Variants in MAP2K4 observed in about 807,000 individuals in gnomAD.
MAP2K4 encodes mitogen-activated protein kinase kinase 4, also known as dual specificity mitogen-activated protein kinase kinase 4.
MAP2K4 carries 4 observed loss-of-function variants against 48.5 expected under a neutral mutation model. The observed-to-expected ratio is 0.08, with a 90% confidence interval of 0.04 to 0.19. The LOEUF (loss-of-function observed/expected upper bound fraction) is 0.19, where lower values mean the gene tolerates loss of function less well. Among genes scored for constraint, MAP2K4 ranks in the 10% least tolerant of loss-of-function variants. The pLI, the probability that MAP2K4 is intolerant of heterozygous loss-of-function variation, is 1.00. For synonymous variants in MAP2K4, 166 were observed against 173.1 expected (o/e 0.96, Z 0.32); for missense variants, 258 against 493.3 (o/e 0.52, Z 4.52).
At chr17:12,102,945 C>T (rs1395256932) in intron 4 of MAP2K4, among the ~76,000 whole-genome samples, 1 of 150,998 alleles carries the variant, frequency 6.6e-6, no homozygotes, top group Non-Finnish European at 1.5e-5. Flanking sequence ...TTTTTCTTCC[C>T]AATTAGTCCA....
intron 4 of MAP2K4, among the ~76,000 whole-genome samples, chr17:12,102,071 G>T (rs1567660844): frequency 6.6e-6 from 1 of 151,514 alleles, no homozygotes; most frequent in Non-Finnish European, 1.5e-5. Flanking sequence ...AGACATCCTT[G>T]TTTTTTTTCC....
At chr17:12,118,750 A>G (rs1017920921) in intron 7 of MAP2K4, among the ~76,000 whole-genome samples, 1 of 152,182 alleles carries the variant, frequency 6.6e-6, no homozygotes, top group African/African-American at 2.4e-5. Context: ...TGGGTGTGGA[A>G]GGTTTTCAGA....
At chr17:12,060,012 T>C (rs1187308317) in intron 2 of MAP2K4, among the ~76,000 whole-genome samples, 6 of 151,992 alleles carry the variant, frequency 3.9e-5, no homozygotes, top group Admixed American at 3.9e-4. Flanking sequence ...ACCCCATTTC[T>C]ACAAAAATAG....
At chr17:12,041,200 C>T (rs1268397249) in intron 1 of MAP2K4, among the ~76,000 whole-genome samples, 4 of 152,214 alleles carry the variant, frequency 2.6e-5, no homozygotes, top group East Asian at 3.8e-4. Flanking sequence ...ATAAAAGTGT[C>T]ATTCACGTGT....
At chr17:12,135,069 A>G (rs967103455) in intron 9 of MAP2K4, among the ~76,000 whole-genome samples, 5 of 151,836 alleles carry the variant, frequency 3.3e-5, no homozygotes, top group African/African-American at 1.2e-4. Flanking sequence ...CACCTGGCTA[A>G]TTTTTGTTTT....
chr17:12,122,235 T>C (rs1972717382), intron 7 of MAP2K4, among the ~76,000 whole-genome samples: 1 of 152,254 alleles, frequency 6.6e-6, no homozygotes, highest in South Asian at 2.1e-4. Context: ...TAATCAACTA[T>C]TCCGTACTTG....
At chr17:12,053,170 T>C (rs1245516962) in intron 1 of MAP2K4, among the ~76,000 whole-genome samples, 1 of 152,130 alleles carries the variant, frequency 6.6e-6, no homozygotes. Flanking sequence ...AAGAGCATAT[T>C]TACTAAAAAA....
intron 1 of MAP2K4, among the ~76,000 whole-genome samples, chr17:12,040,951 T>C (rs2151516159): frequency 6.6e-6 from 1 of 152,362 alleles, no homozygotes; most frequent in African/African-American, 2.4e-5. Context: ...CATAATGTTC[T>C]ACAACTAATT....
intron 1 of MAP2K4, among the ~76,000 whole-genome samples, chr17:12,025,233 C>G (rs572611506): frequency 6.6e-6 from 1 of 152,298 alleles, no homozygotes; most frequent in South Asian, 2.1e-4. Flanking sequence ...GGGAAATTCC[C>G]TAACTTTTCT....
intron 2 of MAP2K4, among the ~76,000 whole-genome samples, chr17:12,074,621 C>CA (rs1194975068): frequency 2.6e-5 from 4 of 152,078 alleles, no homozygotes; most frequent in Non-Finnish European, 5.9e-5. Context: ...TGTATAGGTT[C>CA]CTCACAATCA....
At chr17:12,136,865 G>C (rs566159227) in intron 9 of MAP2K4, among the ~76,000 whole-genome samples, 1 of 152,200 alleles carries the variant, frequency 6.6e-6, no homozygotes, top group South Asian at 2.1e-4. Context: ...ATGCTGTGTA[G>C]ATCTGATGCC....
intron 1 of MAP2K4, 110 bp from the exon 2 acceptor site, chr17:12,054,779 T>G (rs28918113): frequency 3.3e-4 from 203 of 621,978 alleles, no homozygotes; most frequent in Non-Finnish European, 5.5e-4. Context: ...CTATATTAAC[T>G]GTTTGTTAAA....
At chr17:12,041,477 C>T (rs568873353) in intron 1 of MAP2K4, among the ~76,000 whole-genome samples, 1 of 152,130 alleles carries the variant, frequency 6.6e-6, no homozygotes, top group Non-Finnish European at 1.5e-5. Flanking sequence ...TACAAAAGAT[C>T]GCCACGTCTT....
chr17:12,111,134 A>G (rs1424237821), intron 6 of MAP2K4, among the ~76,000 whole-genome samples: 1 of 152,176 alleles, frequency 6.6e-6, no homozygotes, highest in Non-Finnish European at 1.5e-5. Context: ...TTTGTAACGG[A>G]AAAACCTGAC....
At chr17:12,043,354 C>G (rs933245232) in intron 1 of MAP2K4, among the ~76,000 whole-genome samples, 6 of 151,940 alleles carry the variant, frequency 3.9e-5, no homozygotes, top group Non-Finnish European at 8.8e-5. Flanking sequence ...TTTCTGACAC[C>G]AAGCAATTCT....
At chr17:12,093,905 A>G (rs1294948155) in intron 3 of MAP2K4, among the ~76,000 whole-genome samples, 2 of 152,236 alleles carry the variant, frequency 1.3e-5, no homozygotes, top group Non-Finnish European at 2.9e-5. Context: ...TAAAGGTAGA[A>G]TATTTACAAA....
chr17:12,064,515 A>T (rs1970553111), intron 2 of MAP2K4, among the ~76,000 whole-genome samples: 1 of 152,256 alleles, frequency 6.6e-6, no homozygotes, highest in Non-Finnish European at 1.5e-5. Context: ...ACTAAAACAA[A>T]AAGGTGATAC....
At chr17:12,126,622 G>A (rs529796936) in intron 8 of MAP2K4, among the ~76,000 whole-genome samples, 8 of 152,302 alleles carry the variant, frequency 5.3e-5, no homozygotes, top group East Asian at 1.9e-4. Flanking sequence ...TTCCACCCTC[G>A]TGACCCCATC....
intron 2 of MAP2K4, among the ~76,000 whole-genome samples, chr17:12,058,312 G>A (rs1203328245): frequency 6.8e-6 from 1 of 147,328 alleles, no homozygotes; most frequent in Non-Finnish European, 1.5e-5. Flanking sequence ...GGATCCTCCC[G>A]CCTCAGCCTC....
Sources: allele counts gnomAD v4.1 joint callset (sites outside exome capture counted in the v4.1 genomes callset), GRCh38; gene constraint gnomAD v4.1.1; transcripts MANE v1.5; gene names NCBI Gene and HGNC (gene_info 2026-07-23, HGNC 2026-07-21).